The following TARS2 variants were observed in gnomAD, a reference collection of about 807,000 sequenced individuals.
The protein encoded by TARS2 is threonine--tRNA ligase, mitochondrial.
Under a neutral mutation model 94.4 loss-of-function variants are expected in TARS2, and 61 were observed. The ratio of observed to expected loss-of-function variants is 0.65; its 90% CI spans 0.53 to 0.80. The LOEUF (loss-of-function observed/expected upper bound fraction) is 0.80. Ranked by LOEUF, TARS2 falls within the 30% of genes least tolerant of loss-of-function variation. The pLI is 0.00. For synonymous variants in TARS2, 359 were observed against 353.4 expected (o/e 1.02, Z -0.18); for missense variants, 704 against 902.5 (o/e 0.78, Z 2.82).
chr1:150,506,648 T>C (rs112334802), intron 17 of TARS2, among the ~76,000 whole-genome samples: 180 of 151,632 alleles, frequency 1.2e-3, no homozygotes, highest in African/African-American at 4.2e-3. Flanking sequence ...CTTTCTCTGC[T>C]TGACTCTTAT....
chr1:150,503,601 GTATGTGTGTATATA>G (rs1670037242), intron 13 of TARS2, among the ~76,000 whole-genome samples: 1 of 125,462 alleles, frequency 8.0e-6, no homozygotes, highest in Non-Finnish European at 1.8e-5. Context: ...GTGTGTGTGT[GTATGTGTGTATATA>G]TATGTGTGTG....
chr1:150,498,442 G>T, intron 10 of TARS2, 60 bp from the exon 11 acceptor site: 1 of 1,502,052 alleles, frequency 6.7e-7, no homozygotes, highest in South Asian at 1.4e-5. Context: ...TTGGGTGGAG[G>T]AGCAGTCTTC....
In TARS2 at chr1:150,489,245, AT is replaced by A. The variant is rs1319730432; in HGVS notation, c.387+159del. 7 of 1,101,044 alleles carry A rather than the reference AT, an allele frequency of 6.4e-6. 1 individual carries two copies. In the African/African-American group the frequency reaches 1.1e-4, roughly 17 times the overall value. The allele number at this position is 1,101,044 out of a possible 1,614,324, so 68.2% of individuals were successfully genotyped here. A position where few individuals can be genotyped will look rare whatever the true frequency, so the allele number is the denominator to read the frequency against. Reference sequence around the variant, plus strand: ...TTGACTATTTCTGGTTAGGAAACTTATGGTGAAAGTTTTTAACTTAGCTTCG... The same window carrying A: ...TTGACTATTTCTGGTTAGGAAACTTAGGTGAAAGTTTTTAACTTAGCTTCG... On this transcript the variant is annotated intron_variant, in intron 3 of 17. Transcript: ENST00000369064.
At chr1:150,494,700 T>C (rs1296370393) in intron 7 of TARS2, among the ~76,000 whole-genome samples, 1 of 151,800 alleles carries the variant, frequency 6.6e-6, no homozygotes, top group African/African-American at 2.4e-5. Context: ...ATTGCACCAC[T>C]GCACTCCAGC....
intron 2 of TARS2, 170 bp downstream of exon 2, chr1:150,488,224 G>A: frequency 1.3e-6 from 1 of 750,200 alleles, no homozygotes; most frequent in Admixed American, 3.0e-5. Flanking sequence ...TTATACAGAC[G>A]GGGTCTCTCC....
chr1:150,496,558 C>T lies in TARS2; in HGVS notation c.851C>T (p.Thr284Ile). ...GTGTCAGGGATTTCCTTCCCCACAA[C>T]AGAATTGCTGAGGGTCTGGGAAGCA... ...QRVSGISFPT[T>I]ELLRVWEAWR... Residue 284 changes from threonine (T) to isoleucine (I), a missense_variant, in exon 8 of 18, where the codon ACA (threonine) becomes ATA (isoleucine). Thr to Ile is a moderately conservative substitution (Grantham distance 89). Coordinates refer to ENST00000369064, the MANE Select transcript of TARS2 (RefSeq NM_025150.5). 1 of 1,614,092 alleles carries T rather than the reference C, an allele frequency of 6.2e-7. No individual in the cohort carries two copies. Among genetic ancestry groups the T allele is most frequent in the South Asian group, 1.1e-5 (1 of 91,084 alleles).
In TARS2 at chr1:150,487,962, A is replaced by G. The variant is rs139545023; in HGVS notation, c.171A>G (p.Glu57=). ...VKRLASMAQK[E]PRTIKISLPG... The stretch of plus-strand genomic sequence containing the variant: ...GATTAGCAAGCATGGCACAGAAGGA[A>G]CCCCGGACTATTAAGATATCACTTC... Residue 57 remains glutamate, a synonymous_variant, in exon 2 of 18, where the codon GAA becomes GAG. Coordinates refer to ENST00000369064, the MANE Select transcript of TARS2 (RefSeq NM_025150.5). 13 of 1,613,812 alleles carry G rather than the reference A, an allele frequency of 8.1e-6. No homozygotes were observed. The African/African-American group carries it at 1.6e-4, about 20-fold the overall frequency.
In TARS2 at chr1:150,491,490, T is replaced by C. The variant is rs1251587024; in HGVS notation, c.609T>C (p.Asp203=). 1 of 1,614,194 alleles carries C rather than the reference T, an allele frequency of 6.2e-7. No homozygotes were observed. Among genetic ancestry groups the C allele is most frequent in the Non-Finnish European group, 8.5e-7 (1 of 1,180,030 alleles). The change falls in exon 5 of 18, where the codon GAT becomes GAC. Residue 203 remains aspartate, a synonymous_variant. Transcript: ENST00000369064. ...TCCGGAGGCTAGAGGCTTCACGGGA[T>C]CAGCTTCGCCAGTTGTTCAAGGTGG... ...RPFRRLEASR[D]QLRQLFKDNP... is the part of the protein sequence containing the mutation.
rs372337348 is a variant in TARS2 at position 150,490,426 on chromosome 1, T to A, written c.388-175T>A. 5.3e-5 allele frequency among the ~76,000 whole-genome samples: 8 copies of A among 152,078 alleles called. No individual in the cohort carries two copies. In the East Asian group the frequency reaches 7.7e-4, roughly 15 times the overall value. The stretch of plus-strand genomic sequence containing the variant: ...GAGCTGCTGTGCCCAGCCTTTTTTT[T>A]TAAGCTTGTTACTTTTTAGTGGTCA... On this transcript the variant is annotated intron_variant, in intron 3 of 17. Coordinates refer to ENST00000369064, the MANE Select transcript of TARS2 (RefSeq NM_025150.5).
chr1:150,501,250 G>C (rs1669896493), intron 13 of TARS2, among the ~76,000 whole-genome samples: 1 of 149,014 alleles, frequency 6.7e-6, no homozygotes, highest in South Asian at 2.1e-4. Context: ...ATACCAGCCT[G>C]GGCAACATAG....
intron 13 of TARS2, among the ~76,000 whole-genome samples, chr1:150,503,693 A>G (rs587736297): frequency 2.5e-4 from 37 of 148,072 alleles, no homozygotes; most frequent in African/African-American, 6.8e-4. Flanking sequence ...GTGTATATAT[A>G]TGTGTGTGTA....
chr1:150,489,589 A>C (rs892501321), intron 3 of TARS2, among the ~76,000 whole-genome samples: 1 of 152,192 alleles, frequency 6.6e-6, no homozygotes, highest in African/African-American at 2.4e-5. Context: ...TTCGTGGGAC[A>C]GAAAAAAATA....
chr1:150,500,441 T>C (rs1669863494), intron 13 of TARS2, among the ~76,000 whole-genome samples: 1 of 151,704 alleles, frequency 6.6e-6, no homozygotes, highest in Admixed American at 6.6e-5. Flanking sequence ...AATATAAAAA[T>C]TGGCCGGGTG....
intron 10 of TARS2, 33 bp from the exon 11 acceptor site, chr1:150,498,469 T>G: frequency 6.5e-7 from 1 of 1,533,478 alleles, no homozygotes; most frequent in Non-Finnish European, 8.7e-7. Flanking sequence ...TAGTCCTCCC[T>G]ATGGCCCTGA....
At chr1:150,495,860 C>T (rs937314949) in intron 7 of TARS2, among the ~76,000 whole-genome samples, 4 of 152,154 alleles carry the variant, frequency 2.6e-5, no homozygotes, top group African/African-American at 9.7e-5. Flanking sequence ...GCTGCGACTA[C>T]AGGCACCCAC....
intron 15 of TARS2, 47 bp from the exon 16 acceptor site, chr1:150,504,859 C>G: frequency 6.2e-7 from 1 of 1,609,562 alleles, no homozygotes; most frequent in Non-Finnish European, 8.5e-7. Context: ...CACTTCTGGC[C>G]AGAGCCAGAG....
Position 150,491,467 on chromosome 1 carries a change from C to A in TARS2, c.586C>A (p.Arg196=). ...QELTAAARPF[R]RLEASRDQLR... The stretch of plus-strand genomic sequence containing the variant: ...ACTTACAGCTGCTGCTCGACCCTTC[C>A]GGAGGCTAGAGGCTTCACGGGATCA... The change falls in exon 5 of 18, where the codon CGG becomes AGG. Residue 196 remains arginine (R), a synonymous_variant. Transcript: ENST00000369064. 1 of 1,614,178 alleles carries A rather than the reference C, an allele frequency of 6.2e-7. No individual in the cohort carries two copies. The highest frequency in any genetic ancestry group is 8.5e-7 in the Non-Finnish European group (1 of 1,180,038).
intron 8 of TARS2, 33 bp downstream of exon 8, chr1:150,496,661 G>A (rs758965938): frequency 5.6e-6 from 9 of 1,606,132 alleles, no homozygotes; most frequent in Non-Finnish European, 7.7e-6. Context: ...GAGGGATGGT[G>A]ATAAGGGTTG....
chr1:150,499,957 G>A (rs1444434691), intron 13 of TARS2, among the ~76,000 whole-genome samples: 1 of 146,602 alleles, frequency 6.8e-6, no homozygotes, highest in Non-Finnish European at 1.5e-5. Context: ...GGATAAGGAT[G>A]AAAACACATG....
Sources: allele counts gnomAD v4.1 joint callset (sites outside exome capture counted in the v4.1 genomes callset), GRCh38; gene constraint gnomAD v4.1.1; transcripts MANE v1.5; gene names NCBI Gene and HGNC (gene_info 2026-07-23, HGNC 2026-07-21).